The following PCDH15 variants were observed in gnomAD, a reference collection of about 807,000 sequenced individuals.
PCDH15 encodes the protein protocadherin related 15.
PCDH15 carries 129 observed loss-of-function variants against 178.5 expected under a neutral mutation model. That is an observed-to-expected ratio of 0.72 (90% confidence interval 0.63 to 0.84). The LOEUF is 0.84. PCDH15 is among the 40% of genes least tolerant of loss of function. The pLI is 0.00. For missense variants in PCDH15, 2,230 were observed against 2,099.9 expected (o/e 1.06, Z -1.21); for synonymous variants, 800 against 732.0 (o/e 1.09, Z -1.50).
intron 8 of PCDH15, among the ~76,000 whole-genome samples, chr10:54,289,056 C>T (rs577599681): frequency 6.6e-6 from 1 of 152,354 alleles, no homozygotes; most frequent in East Asian, 1.9e-4. Context: ...AATAGACTGC[C>T]TCCTCAAGTG....
chr10:54,909,571 C>A (rs1439906856), intron 2 of PCDH15, among the ~76,000 whole-genome samples: 1 of 152,116 alleles, frequency 6.6e-6, no homozygotes, highest in Non-Finnish European at 1.5e-5. Flanking sequence ...GCAGTCACTT[C>A]TGAGCCTGCG....
At chr10:55,457,593 G>T (rs1193638455) in intron 2 of PCDH15, among the ~76,000 whole-genome samples, 1 of 152,008 alleles carries the variant, frequency 6.6e-6, no homozygotes, top group African/African-American at 2.4e-5. Context: ...TTTCAGGAGA[G>T]AAAACAATTA....
chr10:55,225,893 C>T (rs1239153028), intron 1 of PCDH15, among the ~76,000 whole-genome samples: 2 of 151,918 alleles, frequency 1.3e-5, no homozygotes, highest in African/African-American at 4.8e-5. Flanking sequence ...AATTTGGGGA[C>T]CGTGGGTACA....
intron 2 of PCDH15, among the ~76,000 whole-genome samples, chr10:55,539,525 G>A (rs903959034): frequency 3.9e-5 from 6 of 152,006 alleles, no homozygotes; most frequent in Non-Finnish European, 7.4e-5. Flanking sequence ...TTAATAGGAT[G>A]TCTCCAAATA....
At chr10:55,608,213 A>G (rs1843276783) in intron 2 of PCDH15, among the ~76,000 whole-genome samples, 1 of 151,438 alleles carries the variant, frequency 6.6e-6, no homozygotes, top group African/African-American at 2.4e-5. Flanking sequence ...GTAAAACAAT[A>G]TAGACACTCC....
At chr10:55,623,730 C>T (rs939216754) in intron 2 of PCDH15, among the ~76,000 whole-genome samples, 1 of 150,346 alleles carries the variant, frequency 6.7e-6, no homozygotes, top group Non-Finnish European at 1.5e-5. Flanking sequence ...ACTAGATCCT[C>T]TTGGGGGATT....
At chr10:55,231,365 G>A (rs1264813474) in intron 1 of PCDH15, among the ~76,000 whole-genome samples, 4 of 151,848 alleles carry the variant, frequency 2.6e-5, no homozygotes, top group Non-Finnish European at 4.4e-5. Flanking sequence ...ACTGACTCCC[G>A]AATAATGTAA....
chr10:53,849,896 A>T (rs2078246665), intron 28 of PCDH15, among the ~76,000 whole-genome samples: 1 of 150,920 alleles, frequency 6.6e-6, no homozygotes, highest in African/African-American at 2.4e-5. Flanking sequence ...AAGAAAGAAA[A>T]ATTTGTACAA....
chr10:55,253,959 G>A (rs1313301117), intron 1 of PCDH15, among the ~76,000 whole-genome samples: 3 of 152,154 alleles, frequency 2.0e-5, no homozygotes, highest in Non-Finnish European at 4.4e-5. Flanking sequence ...TACACAAAAT[G>A]CTGGTGAGCC....
At chr10:54,841,916 ATATAAACAATGTTTATTTT>A (rs1307819511) in intron 3 of PCDH15, among the ~76,000 whole-genome samples, 2 of 151,820 alleles carry the variant, frequency 1.3e-5, no homozygotes, top group African/African-American at 4.8e-5. Flanking sequence ...TAATTACCTG[ATATAAACAATGTTTATTTT>A]TATATGATGC....
intron 2 of PCDH15, among the ~76,000 whole-genome samples, chr10:55,478,788 C>T (rs573690778): frequency 2.5e-4 from 37 of 149,848 alleles, no homozygotes; most frequent in Admixed American, 1.1e-3. Flanking sequence ...AATTCAGGCG[C>T]GAAAAAGGAG....
At chr10:55,029,437 T>C (rs1840556379) in intron 2 of PCDH15, among the ~76,000 whole-genome samples, 1 of 152,048 alleles carries the variant, frequency 6.6e-6, no homozygotes, top group Non-Finnish European at 1.5e-5. Flanking sequence ...TGTAGTTTTC[T>C]AAAAGCAGAA....
chr10:54,680,064 G>T lies in PCDH15; in HGVS notation c.-28-15774C>A, dbSNP rs974578192. Among the ~76,000 whole-genome samples, 5 of 152,184 alleles carry T rather than the reference G, an allele frequency of 3.3e-5. No homozygotes were observed. The South Asian group carries it at 1.0e-3, about 32-fold the overall frequency. ...TATTTAACTTTGATTAAATCTATTA[G>T]CTTCTTTACAGATTTTGCTCATTTG... is the stretch of plus-strand genomic sequence containing the variant. On this transcript the variant is annotated intron_variant, in intron 1 of 37. Transcript: ENST00000644397.
intron 2 of PCDH15, among the ~76,000 whole-genome samples, chr10:55,349,102 G>C (rs1245931568): frequency 1.3e-5 from 2 of 152,068 alleles, no homozygotes; most frequent in Non-Finnish European, 2.9e-5. Context: ...TATTGAGAAT[G>C]ATGCATTCTC....
intron 2 of PCDH15, among the ~76,000 whole-genome samples, chr10:55,090,751 A>G (rs16906933): frequency 0.041 from 6,175 of 152,136 alleles, 304 homozygotes; most frequent in East Asian, 0.15. Flanking sequence ...GAAGGTCAGG[A>G]TTTTCCACGT....
At chr10:55,556,352 T>A (rs905389957) in intron 2 of PCDH15, among the ~76,000 whole-genome samples, 4 of 152,144 alleles carry the variant, frequency 2.6e-5, no homozygotes, top group South Asian at 2.1e-4. Context: ...ACTCCTGGGA[T>A]ATCTATTGCT....
intron 2 of PCDH15, among the ~76,000 whole-genome samples, chr10:54,963,466 C>G (rs1269829610): frequency 6.6e-6 from 1 of 151,710 alleles, no homozygotes; most frequent in Non-Finnish European, 1.5e-5. Context: ...CATTGTTTTT[C>G]TGTAGCAACT....
At chr10:54,816,418 C>T (rs939548591) in intron 3 of PCDH15, among the ~76,000 whole-genome samples, 2 of 151,968 alleles carry the variant, frequency 1.3e-5, no homozygotes, top group African/African-American at 2.4e-5. Context: ...TTTCAAGGCA[C>T]TTTATTAGTT....
intron 8 of PCDH15, among the ~76,000 whole-genome samples, chr10:54,286,363 C>T (rs2059025396): frequency 6.6e-6 from 1 of 152,030 alleles, no homozygotes; most frequent in South Asian, 2.1e-4. Context: ...AAAAGTTAAT[C>T]ACTCTCTAAT....
Sources: gnomAD v4.1 joint callset for allele counts (sites outside exome capture counted in the v4.1 genomes callset) on GRCh38, gnomAD v4.1.1 for gene constraint, MANE v1.5 for transcripts, NCBI Gene and HGNC (gene_info 2026-07-23, HGNC 2026-07-21) for gene names.